RBFOX1: variants seen among roughly 807,000 people sequenced by gnomAD.
RBFOX1 encodes RNA binding protein fox-1 homolog 1.
In RBFOX1, 8 loss-of-function variants were observed where a neutral mutation model predicts 57.7. The ratio of observed to expected loss-of-function variants is 0.14; its 90% CI spans 0.08 to 0.25. RBFOX1 has a LOEUF of 0.25. Ranked by LOEUF, RBFOX1 falls within the 10% of genes least tolerant of loss-of-function variation. The probability of loss-of-function intolerance (pLI) is 1.00; values close to 1 mark genes in which losing one functional copy is unlikely to be tolerated. For synonymous variants in RBFOX1, 326 were observed against 222.4 expected, an observed-to-expected ratio of 1.47 and a Z score of -4.15; for missense variants, 611 against 548.5, an observed-to-expected ratio of 1.11 and a Z score of -1.14.
chr16:7,057,783 G>A (rs929422944), intron 4 of RBFOX1, among the ~76,000 whole-genome samples: 3 of 152,118 alleles, frequency 2.0e-5, no homozygotes, highest in Admixed American at 2.0e-4. Context: ...CAAGGTGGGT[G>A]GATCACCTGA....
chr16:6,681,785 C>G (rs1046388266), intron 3 of RBFOX1, among the ~76,000 whole-genome samples: 5 of 152,046 alleles, frequency 3.3e-5, no homozygotes, highest in African/African-American at 1.2e-4. Context: ...GTTCTCACGT[C>G]TGTAATGTGG....
intron 4 of RBFOX1, among the ~76,000 whole-genome samples, chr16:7,471,683 C>G (rs1020597498): frequency 1.3e-5 from 2 of 152,310 alleles, no homozygotes; most frequent in African/African-American, 2.4e-5. Context: ...AGATGTTGAA[C>G]TCAAGCGTGA....
intron 3 of RBFOX1, among the ~76,000 whole-genome samples, chr16:7,041,354 T>A (rs137978872): frequency 0.016 from 2,446 of 152,224 alleles, 74 homozygotes; most frequent in African/African-American, 0.056. Context: ...AGTCTGTGGC[T>A]CTCAAAGGGC....
chr16:7,303,214 G>A (rs897295015), intron 4 of RBFOX1, among the ~76,000 whole-genome samples: 1 of 152,234 alleles, frequency 6.6e-6, no homozygotes, highest in Non-Finnish European at 1.5e-5. Flanking sequence ...CCAAGGCGAG[G>A]CACAGAGCGA....
chr16:5,452,243 C>T (rs1247329007), intron 1 of RBFOX1, among the ~76,000 whole-genome samples: 1 of 151,626 alleles, frequency 6.6e-6, no homozygotes, highest in Non-Finnish European at 1.5e-5. Context: ...CTCAGCTTCC[C>T]AAGTAGCTGG....
At chr16:6,998,643 C>T (rs1568296782) in intron 3 of RBFOX1, among the ~76,000 whole-genome samples, 1 of 152,048 alleles carries the variant, frequency 6.6e-6, no homozygotes, top group Non-Finnish European at 1.5e-5. Flanking sequence ...AATTGCAATC[C>T]TGTTTCACAT....
At chr16:7,242,953 T>C (rs1603439604) in intron 4 of RBFOX1, among the ~76,000 whole-genome samples, 1 of 152,196 alleles carries the variant, frequency 6.6e-6, no homozygotes, top group Non-Finnish European at 1.5e-5. Context: ...CTACCTTCTT[T>C]ATCTTCTTCC....
intron 4 of RBFOX1, among the ~76,000 whole-genome samples, chr16:7,064,128 A>AAG (rs2055313708): frequency 1.3e-5 from 2 of 151,664 alleles, no homozygotes; most frequent in East Asian, 3.9e-4. Context: ...ATGAGTCCAT[A>AAG]AGCGTGGGCC....
intron 1 of RBFOX1, among the ~76,000 whole-genome samples, chr16:5,425,445 T>A (rs1567491885): frequency 6.6e-6 from 1 of 152,060 alleles, no homozygotes; most frequent in African/African-American, 2.4e-5. Context: ...ACGTACTGGA[T>A]GATGGAGATC....
At chr16:5,718,783 C>T (rs897822773) in intron 3 of RBFOX1, among the ~76,000 whole-genome samples, 2 of 152,200 alleles carry the variant, frequency 1.3e-5, no homozygotes, top group East Asian at 1.9e-4. Flanking sequence ...GTCGTGGGTA[C>T]CTGTAATCCC....
chr16:6,443,948 T>G (rs1251064047), intron 2 of RBFOX1, among the ~76,000 whole-genome samples: 1 of 152,118 alleles, frequency 6.6e-6, no homozygotes. Flanking sequence ...AAGTGATGAT[T>G]TGAACAGTGT....
intron 4 of RBFOX1, among the ~76,000 whole-genome samples, chr16:7,124,643 C>A (rs1171725793): frequency 1.3e-5 from 2 of 150,042 alleles, no homozygotes; most frequent in South Asian, 4.3e-4. Context: ...CATGATAGCC[C>A]TCATTTCACA....
chr16:6,666,235 T>G (rs1041286614), intron 3 of RBFOX1, among the ~76,000 whole-genome samples: 4 of 151,662 alleles, frequency 2.6e-5, no homozygotes, highest in South Asian at 2.1e-4. Flanking sequence ...ACAGGAGGAG[T>G]TGAAGAATGT....
intron 2 of RBFOX1, among the ~76,000 whole-genome samples, chr16:5,501,656 A>C (rs1317945100): frequency 6.6e-6 from 1 of 152,224 alleles, no homozygotes; most frequent in Non-Finnish European, 1.5e-5. Flanking sequence ...TGATGCCGTC[A>C]AATCTCCAAA....
At chr16:5,378,303 A>G (rs28433210) in intron 1 of RBFOX1, among the ~76,000 whole-genome samples, 5,137 of 151,602 alleles carry the variant, frequency 0.034, 402 homozygotes, top group African/African-American at 0.099. Context: ...GGAATGTGTC[A>G]GAGATGTCCT....
At chr16:5,250,293 A>C (rs577108107) in intron 1 of RBFOX1, among the ~76,000 whole-genome samples, 1 of 138,416 alleles carries the variant, frequency 7.2e-6, no homozygotes, top group African/African-American at 2.7e-5. Context: ...TCTGGGATAC[A>C]TGTGCAGAAT....
intron 3 of RBFOX1, among the ~76,000 whole-genome samples, chr16:6,776,427 CAAAAAACA>C (rs2079362242): frequency 9.9e-6 from 1 of 101,342 alleles, no homozygotes; most frequent in Non-Finnish European, 2.3e-5. Context: ...AAACAAAAAA[CAAAAAACA>C]AACAAACAAA....
chr16:5,399,887 GTTTA>G (rs2066665132), intron 1 of RBFOX1, among the ~76,000 whole-genome samples: 1 of 151,900 alleles, frequency 6.6e-6, no homozygotes, highest in Non-Finnish European at 1.5e-5. Context: ...AGCAATTTTG[GTTTA>G]TCTTACTGTT....
chr16:7,416,891 G>A (rs1217591601), intron 4 of RBFOX1, among the ~76,000 whole-genome samples: 3 of 152,114 alleles, frequency 2.0e-5, no homozygotes, highest in East Asian at 3.9e-4. Flanking sequence ...ACCCTCTGAA[G>A]GAGGTGTCCT....
Sources: allele counts gnomAD v4.1 joint callset (sites outside exome capture counted in the v4.1 genomes callset), GRCh38; gene constraint gnomAD v4.1.1; transcripts MANE v1.5; gene names NCBI Gene and HGNC (gene_info 2026-07-23, HGNC 2026-07-21).